The following PTPRN2 variants were observed in gnomAD, a reference collection of about 807,000 sequenced individuals.
PTPRN2 encodes protein tyrosine phosphatase receptor type N2, also known as receptor-type tyrosine-protein phosphatase N2.
A neutral mutation model predicts 118.8 loss-of-function variants in PTPRN2; 74 were observed. The ratio of observed to expected loss-of-function variants is 0.62; its 90% CI spans 0.52 to 0.76. PTPRN2 has a LOEUF of 0.76. Ranked by LOEUF, PTPRN2 falls within the 30% of genes least tolerant of loss-of-function variation. The probability of loss-of-function intolerance (pLI) is 0.00; values close to 1 mark genes in which losing one functional copy is unlikely to be tolerated. For synonymous variants in PTPRN2, 641 were observed against 608.0 expected (o/e 1.05, Z -0.80); for missense variants, 1,481 against 1,394.4 (o/e 1.06, Z -0.99).
At chr7:158,279,782 A>G (rs13245757) in intron 3 of PTPRN2, among the ~76,000 whole-genome samples, 33,915 of 151,986 alleles carry the variant, frequency 0.22, 3,875 homozygotes, top group East Asian at 0.25. Context: ...AGGGGCCCCC[A>G]CAGTGCAGCA....
At chr7:157,608,215 G>A (rs1802119648) in intron 15 of PTPRN2, among the ~76,000 whole-genome samples, 2 of 152,098 alleles carry the variant, frequency 1.3e-5, no homozygotes, top group East Asian at 1.9e-4. Flanking sequence ...CTACAGGCAC[G>A]CACCACTGCA....
At chr7:157,815,237 G>A (rs1022665523) in intron 12 of PTPRN2, among the ~76,000 whole-genome samples, 20 of 152,246 alleles carry the variant, frequency 1.3e-4, no homozygotes, top group African/African-American at 3.1e-4. Flanking sequence ...AGGGCCAGCC[G>A]TTTGCAGGAC....
chr7:158,413,864 G>C (rs1012851047), intron 2 of PTPRN2, among the ~76,000 whole-genome samples: 38 of 152,322 alleles, frequency 2.5e-4, no homozygotes, highest in African/African-American at 9.1e-4. Context: ...CAAGGGCCAG[G>C]TGTGATGGCT....
At chr7:158,092,384 G>A (rs1814266921) in intron 10 of PTPRN2, among the ~76,000 whole-genome samples, 2 of 151,276 alleles carry the variant, frequency 1.3e-5, no homozygotes, top group South Asian at 2.1e-4. Flanking sequence ...GTAGAGAGGT[G>A]GATAAGTGGA....
At chr7:158,161,537 A>T (rs1383348307) in intron 6 of PTPRN2, among the ~76,000 whole-genome samples, 2 of 152,270 alleles carry the variant, frequency 1.3e-5, no homozygotes, top group African/African-American at 2.4e-5. Context: ...CCACATGTAC[A>T]GAAACAATTC....
chr7:157,730,430 C>T (rs1396579389), intron 12 of PTPRN2, among the ~76,000 whole-genome samples: 2 of 152,220 alleles, frequency 1.3e-5, no homozygotes, highest in African/African-American at 4.8e-5. Context: ...CAGCTTAAGC[C>T]CCTGAGCCCC....
At chr7:158,504,712 T>C (rs1822620041) in intron 1 of PTPRN2, among the ~76,000 whole-genome samples, 1 of 152,196 alleles carries the variant, frequency 6.6e-6, no homozygotes, top group African/African-American at 2.4e-5. Flanking sequence ...CCTTAGTATT[T>C]CTCATCATGA....
intron 12 of PTPRN2, among the ~76,000 whole-genome samples, chr7:157,876,220 T>C (rs1795758221): frequency 6.6e-6 from 1 of 152,214 alleles, no homozygotes; most frequent in African/African-American, 2.4e-5. Flanking sequence ...TGTTTTTGTG[T>C]TGGTCTCCTG....
chr7:158,178,669 C>G (rs1468117317), intron 5 of PTPRN2, among the ~76,000 whole-genome samples: 1 of 143,370 alleles, frequency 7.0e-6, no homozygotes, highest in Non-Finnish European at 1.5e-5. Flanking sequence ...ACAATCTCAG[C>G]TCACTGCAAC....
At chr7:158,033,446 G>T (rs1243039037) in intron 11 of PTPRN2, among the ~76,000 whole-genome samples, 1 of 152,188 alleles carries the variant, frequency 6.6e-6, no homozygotes, top group African/African-American at 2.4e-5. Context: ...GGTCATTTGT[G>T]GTGGGCCCCT....
At chr7:157,678,879 G>A (rs1384363025) in intron 13 of PTPRN2, among the ~76,000 whole-genome samples, 1 of 152,106 alleles carries the variant, frequency 6.6e-6, no homozygotes, top group Non-Finnish European at 1.5e-5. Context: ...AAGCCTCAAG[G>A]AAATGGATGC....
chr7:158,202,066 G>T (rs1181597209), intron 4 of PTPRN2, among the ~76,000 whole-genome samples: 1 of 152,100 alleles, frequency 6.6e-6, no homozygotes, highest in African/African-American at 2.4e-5. Context: ...TGTGGAAATC[G>T]CTATTAAAGG....
chr7:157,846,306 A>C (rs1160052364), intron 12 of PTPRN2, among the ~76,000 whole-genome samples: 1 of 152,196 alleles, frequency 6.6e-6, no homozygotes, highest in East Asian at 1.9e-4. Context: ...TGGAAAACCA[A>C]GAGCTGCTTG....
chr7:158,319,278 C>A (rs1802604354), intron 2 of PTPRN2, among the ~76,000 whole-genome samples: 1 of 143,662 alleles, frequency 7.0e-6, no homozygotes. Context: ...ACACAGACAC[C>A]ATCCCCAGTG....
intron 11 of PTPRN2, among the ~76,000 whole-genome samples, chr7:158,065,453 C>T (rs1255552972): frequency 1.3e-5 from 2 of 152,240 alleles, no homozygotes; most frequent in Non-Finnish European, 2.9e-5. Context: ...CCTCCAGAAG[C>T]AGCTGTGTTC....
chr7:157,966,875 GTCATCACCATCA>G (rs1801982003), intron 11 of PTPRN2, among the ~76,000 whole-genome samples: 1 of 150,940 alleles, frequency 6.6e-6, no homozygotes, highest in Admixed American at 6.6e-5. Flanking sequence ...CACCATCACT[GTCATCACCATCA>G]TCATCACCAT....
At chr7:158,215,789 C>G (rs539734503) in intron 3 of PTPRN2, among the ~76,000 whole-genome samples, 2 of 152,252 alleles carry the variant, frequency 1.3e-5, no homozygotes, top group East Asian at 3.9e-4. Flanking sequence ...TGAAGTTATC[C>G]TTCAGGAATC....
intron 11 of PTPRN2, among the ~76,000 whole-genome samples, chr7:158,055,564 C>T (rs1300486554): frequency 1.3e-5 from 2 of 152,200 alleles, no homozygotes; most frequent in South Asian, 4.1e-4. Context: ...CCTTCATGTT[C>T]CATCCTGTAC....
At chr7:158,386,680 C>G (rs1214457205) in intron 2 of PTPRN2, among the ~76,000 whole-genome samples, 1 of 152,210 alleles carries the variant, frequency 6.6e-6, no homozygotes, top group South Asian at 2.1e-4. Context: ...AATCCCCAAT[C>G]TTATCCACCA....
Sources: gnomAD v4.1 joint callset for allele counts (sites outside exome capture counted in the v4.1 genomes callset) on GRCh38, gnomAD v4.1.1 for gene constraint, MANE v1.5 for transcripts, NCBI Gene and HGNC (gene_info 2026-07-23, HGNC 2026-07-21) for gene names.